Variants in SGK3 observed in about 807,000 individuals in gnomAD.
The protein encoded by SGK3 is serine/threonine-protein kinase Sgk3.
A neutral mutation model predicts 68.5 loss-of-function variants in SGK3; 47 were observed. The ratio of observed to expected loss-of-function variants is 0.69; its 90% CI spans 0.54 to 0.87. The LOEUF is 0.87. Among genes scored for constraint, SGK3 ranks in the 40% least tolerant of loss-of-function variants. The pLI, the probability that SGK3 is intolerant of heterozygous loss-of-function variation, is 0.00. For synonymous variants in SGK3, 181 were observed against 189.1 expected, an observed-to-expected ratio of 0.96 and a Z score of 0.35; for missense variants, 479 against 575.5, an observed-to-expected ratio of 0.83 and a Z score of 1.72.
At chr8:66,782,825 A>C (rs771552328) in intron 1 of SGK3, among the ~76,000 whole-genome samples, 1 of 152,206 alleles carries the variant, frequency 6.6e-6, no homozygotes, top group Non-Finnish European at 1.5e-5. Context: ...TCTTTTTAGC[A>C]CTGAAAAGTA....
At chr8:66,856,951 G>T (rs1810536948) in intron 16 of SGK3, among the ~76,000 whole-genome samples, 1 of 152,138 alleles carries the variant, frequency 6.6e-6, no homozygotes, top group South Asian at 2.1e-4. Flanking sequence ...AAATTAGCTG[G>T]GCATGGTGGC....
chr8:66,820,383 CTCTTCGT>C (rs1382510339), intron 5 of SGK3, among the ~76,000 whole-genome samples: 5 of 152,130 alleles, frequency 3.3e-5, no homozygotes, highest in Non-Finnish European at 5.9e-5. Flanking sequence ...TGTGTTAGTG[CTCTTCGT>C]TCCTTTTTAT....
intron 13 of SGK3, 148 bp downstream of exon 13, chr8:66,841,258 G>A: frequency 1.7e-6 from 1 of 577,110 alleles, no homozygotes; most frequent in Non-Finnish European, 2.7e-6. Context: ...TGATAATCAT[G>A]CCTTGATAGT....
chr8:66,713,913 C>T (rs971463022), intron 1 of SGK3, among the ~76,000 whole-genome samples: 4 of 152,154 alleles, frequency 2.6e-5, no homozygotes, highest in Non-Finnish European at 5.9e-5. Context: ...AAGCCACCAC[C>T]CCAGCATTTC....
intron 1 of SGK3, among the ~76,000 whole-genome samples, chr8:66,756,758 G>A (rs1042589459): frequency 1.3e-5 from 2 of 151,422 alleles, no homozygotes; most frequent in African/African-American, 4.9e-5. Flanking sequence ...ATTTTTGTAT[G>A]TTTTAGTAGA....
intron 3 of SGK3, 84 bp from the exon 4 acceptor site, chr8:66,804,286 TTAAAA>T: frequency 8.7e-7 from 1 of 1,150,014 alleles, no homozygotes; most frequent in Middle Eastern, 3.0e-4. Flanking sequence ...TGGATTTTCT[TTAAAA>T]TAAGATTGTA....
intron 1 of SGK3, among the ~76,000 whole-genome samples, chr8:66,754,809 A>G (rs914522318): frequency 6.6e-6 from 1 of 152,262 alleles, no homozygotes; most frequent in Non-Finnish European, 1.5e-5. Context: ...CTGAATTTAT[A>G]TGCTAGTGAT....
intron 1 of SGK3, among the ~76,000 whole-genome samples, chr8:66,730,966 C>T (rs1041735346): frequency 5.3e-5 from 8 of 152,092 alleles, no homozygotes; most frequent in Non-Finnish European, 7.4e-5. Flanking sequence ...GGGTTACAGG[C>T]GTGAGCCACC....
At chr8:66,814,947 A>G (rs925529216) in intron 5 of SGK3, among the ~76,000 whole-genome samples, 8 of 152,206 alleles carry the variant, frequency 5.3e-5, no homozygotes, top group African/African-American at 1.4e-4. Flanking sequence ...TTCTAAGAGG[A>G]AATGAAGAGG....
intron 1 of SGK3, among the ~76,000 whole-genome samples, chr8:66,775,823 G>A (rs1218154065): frequency 2.0e-5 from 3 of 151,484 alleles, no homozygotes; most frequent in Non-Finnish European, 1.5e-5. Flanking sequence ...AGTGTATCTT[G>A]GAGATGAAGC....
chr8:66,739,773 C>G (rs963308912), intron 1 of SGK3, among the ~76,000 whole-genome samples: 1 of 152,156 alleles, frequency 6.6e-6, no homozygotes, highest in African/African-American at 2.4e-5. Flanking sequence ...AGGAACCTTA[C>G]AATCATGGTG....
Position 66,746,087 on chromosome 8 carries a change from C to A in SGK3, c.-122+33254C>A, listed in dbSNP as rs557208985. On this transcript the variant is annotated intron_variant, in intron 1 of 16. Coordinates refer to ENST00000521198, the MANE Select transcript of SGK3 (RefSeq NM_001033578.3). ...GCAGCAGCAGCTATTTTCTCCAGAA[C>A]TATTCAGGTTTTCTAGAAAAGCAGC... 2.0e-5 allele frequency among the ~76,000 whole-genome samples: 3 copies of A among 152,286 alleles called. No individual in the cohort carries two copies. The South Asian group carries it at 6.2e-4, about 32-fold the overall frequency.
At chr8:66,744,519 A>T (rs10095448) in intron 1 of SGK3, among the ~76,000 whole-genome samples, 5,201 of 20,528 alleles carry the variant, frequency 0.25, 676 homozygotes, top group Admixed American at 0.37. Context: ...ATATATATAT[A>T]TTTTTTTTTT....
intron 1 of SGK3, among the ~76,000 whole-genome samples, chr8:66,743,803 G>A (rs530334054): frequency 2.0e-5 from 3 of 152,322 alleles, no homozygotes; most frequent in East Asian, 1.9e-4. Context: ...GTGAGCTACC[G>A]CTCCGAGAGC....
At chr8:66,713,724 A>G (rs998321878) in intron 1 of SGK3, among the ~76,000 whole-genome samples, 1 of 152,228 alleles carries the variant, frequency 6.6e-6, no homozygotes, top group Non-Finnish European at 1.5e-5. Flanking sequence ...TAAGTTCTTT[A>G]TAAATATTAA....
At chr8:66,713,384 T>C (rs1179823535) in intron 1 of SGK3, among the ~76,000 whole-genome samples, 1 of 152,240 alleles carries the variant, frequency 6.6e-6, no homozygotes, top group Non-Finnish European at 1.5e-5. Flanking sequence ...TTAGATTCTG[T>C]CATTTTTAGT....
At chr8:66,798,322 A>T (rs1807784695) in intron 2 of SGK3, among the ~76,000 whole-genome samples, 1 of 152,088 alleles carries the variant, frequency 6.6e-6, no homozygotes, top group Non-Finnish European at 1.5e-5. Context: ...ATACCATTTG[A>T]CAAGATTCAA....
chr8:66,814,606 T>C (rs1304336348), intron 5 of SGK3, among the ~76,000 whole-genome samples: 1 of 152,194 alleles, frequency 6.6e-6, no homozygotes, highest in Non-Finnish European at 1.5e-5. Flanking sequence ...TGGGTGCACA[T>C]GCCACCATTT....
intron 1 of SGK3, among the ~76,000 whole-genome samples, chr8:66,719,788 A>T (rs1240631303): frequency 3.3e-5 from 5 of 152,254 alleles, no homozygotes; most frequent in Admixed American, 6.5e-5. Context: ...TCACCAAAGT[A>T]ATACTTTTTT....
Sources: gnomAD v4.1 joint callset for allele counts (sites outside exome capture counted in the v4.1 genomes callset) on GRCh38, gnomAD v4.1.1 for gene constraint, MANE v1.5 for transcripts, NCBI Gene and HGNC (gene_info 2026-07-23, HGNC 2026-07-21) for gene names.